The following CNTN6 variants were observed in gnomAD, a reference collection of about 807,000 sequenced individuals.
CNTN6 encodes contactin-6.
A neutral mutation model predicts 122.8 loss-of-function variants in CNTN6; 137 were observed. The observed-to-expected ratio is 1.12, with a 90% confidence interval of 0.97 to 1.29. The LOEUF (loss-of-function observed/expected upper bound fraction) is 1.29. CNTN6 is among the 50% of genes most tolerant of loss of function. CNTN6 has a pLI of 0.00. For synonymous variants in CNTN6, 570 were observed against 426.0 expected, an observed-to-expected ratio of 1.34 and a Z score of -4.16; for missense variants, 1,634 against 1,223.4, an observed-to-expected ratio of 1.34 and a Z score of -5.01.
intron 4 of CNTN6, among the ~76,000 whole-genome samples, chr3:1,264,028 G>A (rs4088850): frequency 0.069 from 10,546 of 151,768 alleles, 1,229 homozygotes; most frequent in African/African-American, 0.24. Flanking sequence ...ATTATGTTCC[G>A]AAAAACAGGA....
At chr3:1,394,156 A>G (rs958956127) in intron 20 of CNTN6, 1 of 190,480 alleles carries the variant, frequency 5.2e-6, no homozygotes, top group African/African-American at 2.4e-5. Flanking sequence ...TCAGCTACAT[A>G]GGAGAACTGC....
intron 1 of CNTN6, among the ~76,000 whole-genome samples, chr3:1,104,300 T>G (rs2091109089): frequency 6.6e-6 from 1 of 152,074 alleles, no homozygotes; most frequent in African/African-American, 2.4e-5. Flanking sequence ...CCAAAAAGAC[T>G]AAATAAAAAG....
intron 20 of CNTN6, among the ~76,000 whole-genome samples, chr3:1,388,264 GA>G (rs1312007671): frequency 6.7e-6 from 1 of 148,972 alleles, no homozygotes; most frequent in African/African-American, 2.5e-5. Context: ...CCTGACCCCC[GA>G]GCAGCCTAAC....
chr3:1,340,652 G>T (rs1463952888), intron 11 of CNTN6, among the ~76,000 whole-genome samples: 2 of 152,118 alleles, frequency 1.3e-5, no homozygotes, highest in African/African-American at 4.8e-5. Context: ...GTCACACCCA[G>T]GTTGGTCCCC....
chr3:1,142,829 A>C (rs946324315), intron 1 of CNTN6, among the ~76,000 whole-genome samples: 12 of 151,850 alleles, frequency 7.9e-5, no homozygotes, highest in African/African-American at 2.9e-4. Context: ...TAGAAAGGCA[A>C]TGGGGTACGA....
chr3:1,251,823 T>C (rs1287887635), intron 4 of CNTN6, among the ~76,000 whole-genome samples: 1 of 152,122 alleles, frequency 6.6e-6, no homozygotes, highest in Non-Finnish European at 1.5e-5. Context: ...CAAACAACAT[T>C]TTCCTGACCC....
At chr3:1,239,809 C>T (rs2136146) in intron 4 of CNTN6, among the ~76,000 whole-genome samples, 44,837 of 151,850 alleles carry the variant, frequency 0.3, 6,799 homozygotes, top group East Asian at 0.42. Flanking sequence ...CAACATGGTA[C>T]TGTTACAAAA....
Position 1,156,123 on chromosome 3 carries a change from T to A in CNTN6, c.55+8060T>A, listed in dbSNP as rs115158676. Among the ~76,000 whole-genome samples, 454 of 152,322 alleles carry A rather than the reference T, an allele frequency of 3.0e-3. 3 individuals are homozygous for A. The highest frequency in any genetic ancestry group is 0.011 in the African/African-American group (437 of 41,568). ...TATTCAAGTCAGACTGTGCTACTTGTAAGATCTCTGCACTTTTTAAAAATC... is the reference window on the plus strand; with the variant it reads ...TATTCAAGTCAGACTGTGCTACTTGAAAGATCTCTGCACTTTTTAAAAATC... On this transcript the variant is annotated intron_variant, in intron 2 of 22. Transcript: ENST00000446702.
intron 5 of CNTN6, among the ~76,000 whole-genome samples, chr3:1,280,228 TA>T (rs1214325718): frequency 6.6e-6 from 1 of 152,112 alleles, no homozygotes. Flanking sequence ...TAAAAAAATT[TA>T]AAAAATTAAA....
chr3:1,332,046 A>G (rs1212983634), intron 11 of CNTN6, among the ~76,000 whole-genome samples: 1 of 151,942 alleles, frequency 6.6e-6, no homozygotes, highest in African/African-American at 2.4e-5. Flanking sequence ...CTATTTATAC[A>G]TTATTCTTTC....
At chr3:1,180,885 CAT>C (rs1216214635) in intron 2 of CNTN6, among the ~76,000 whole-genome samples, 2 of 152,188 alleles carry the variant, frequency 1.3e-5, no homozygotes, top group African/African-American at 4.8e-5. Flanking sequence ...CTTTGTGAAT[CAT>C]AAACAAATGA....
chr3:1,259,374 G>A (rs1320793967), intron 4 of CNTN6, among the ~76,000 whole-genome samples: 2 of 152,072 alleles, frequency 1.3e-5, no homozygotes, highest in African/African-American at 4.8e-5. Flanking sequence ...TAATAGAAAT[G>A]CAAATGCTGT....
chr3:1,227,280 C>T (rs753504796), intron 3 of CNTN6, among the ~76,000 whole-genome samples: 1 of 152,130 alleles, frequency 6.6e-6, no homozygotes, highest in Non-Finnish European at 1.5e-5. Flanking sequence ...GAAATATTTT[C>T]AACATGATTA....
At chr3:1,293,503 C>T (rs866482186) in intron 5 of CNTN6, among the ~76,000 whole-genome samples, 8 of 152,042 alleles carry the variant, frequency 5.3e-5, no homozygotes, top group African/African-American at 1.9e-4. Flanking sequence ...TGGTCTCTTC[C>T]CAGCTGAGGA....
rs529369002 is a variant in CNTN6, at chr3:1,234,293, G to A, written c.358+6300G>A. 1.4e-4 allele frequency among the ~76,000 whole-genome samples: 21 copies of A among 152,192 alleles called. No homozygotes were observed. The East Asian group carries it at 3.1e-3, about 22-fold the overall frequency. ...AAAGAAAAACAAAAAAGGTAAAGTC[G>A]TAACATAAAGGTCTTTGACTCCTTG... On this transcript the variant is annotated intron_variant, in intron 4 of 22. Transcript: ENST00000446702.
In CNTN6 at chr3:1,152,434, C is replaced by T. The variant is rs527492986; in HGVS notation, c.55+4371C>T. 1.4e-4 allele frequency among the ~76,000 whole-genome samples: 21 copies of T among 152,122 alleles called. 1 individual carries two copies. Among genetic ancestry groups the T allele is most frequent in the Middle Eastern group, 6.8e-3 (2 of 294 alleles). On this transcript the variant is annotated intron_variant, in intron 2 of 22. Coordinates refer to ENST00000446702, the MANE Select transcript of CNTN6 (RefSeq NM_001289080.2). ...GATTACAGGCATGAGACATCACAAC[C>T]GGTCCAGAAATATTTTATTTTTTAA... is the stretch of plus-strand genomic sequence containing the variant.
intron 11 of CNTN6, among the ~76,000 whole-genome samples, chr3:1,340,094 G>T (rs1019419255): frequency 1.3e-5 from 2 of 151,996 alleles, no homozygotes; most frequent in Non-Finnish European, 2.9e-5. Context: ...TAAAACTAAG[G>T]CTTAGAGAAG....
At chr3:1,106,915 T>C (rs930580354) in intron 1 of CNTN6, among the ~76,000 whole-genome samples, 8 of 152,144 alleles carry the variant, frequency 5.3e-5, no homozygotes, top group African/African-American at 1.7e-4. Context: ...GTTGAGTTAC[T>C]CAAATATTAG....
chr3:1,290,348 G>A (rs1695124981), intron 5 of CNTN6, among the ~76,000 whole-genome samples: 1 of 152,176 alleles, frequency 6.6e-6, no homozygotes, highest in Non-Finnish European at 1.5e-5. Context: ...AATGGGGGAG[G>A]GAATGGACAG....
Sources: allele counts gnomAD v4.1 joint callset (sites outside exome capture counted in the v4.1 genomes callset), GRCh38; gene constraint gnomAD v4.1.1; transcripts MANE v1.5; gene names NCBI Gene and HGNC (gene_info 2026-07-23, HGNC 2026-07-21).